Variants in CWC27 observed in about 807,000 individuals in gnomAD.
CWC27 encodes spliceosome-associated protein CWC27 homolog.
CWC27 carries 47 observed loss-of-function variants against 63.6 expected under a neutral mutation model. The observed-to-expected ratio is 0.74, with a 90% CI of 0.58 to 0.94. The LOEUF (loss-of-function observed/expected upper bound fraction) is 0.94. Among genes scored for constraint, CWC27 ranks in the 40% least tolerant of loss-of-function variants. The probability of loss-of-function intolerance (pLI) is 0.00; values close to 1 mark genes in which losing one functional copy is unlikely to be tolerated. For synonymous variants in CWC27, 175 were observed against 179.8 expected (o/e 0.97, Z 0.22); for missense variants, 495 against 554.3 (o/e 0.89, Z 1.07).
At chr5:64,977,072 G>T in intron 12 of CWC27, 63 bp from the exon 13 acceptor site, 2 of 947,400 alleles carry the variant, frequency 2.1e-6, no homozygotes, top group African/African-American at 1.7e-5. Flanking sequence ...CCAAACTTAA[G>T]CATCTCTTTT....
intron 11 of CWC27, among the ~76,000 whole-genome samples, chr5:64,936,255 T>C (rs1046009454): frequency 2.6e-5 from 4 of 152,244 alleles, no homozygotes; most frequent in African/African-American, 9.6e-5. Flanking sequence ...GTAGCTGTTA[T>C]TATTTTGAGA....
chr5:64,774,604 C>T lies in CWC27; in HGVS notation c.43-87C>T, dbSNP rs528124584. ...AATATTTCTTTTAAAATTGAAAACTCACTAGTGATTGCTACAAGTCAAATA... is the reference window on the plus strand; with the variant it reads ...AATATTTCTTTTAAAATTGAAAACTTACTAGTGATTGCTACAAGTCAAATA... On this transcript the variant is annotated intron_variant, in intron 1 of 13. Coordinates refer to ENST00000381070, the MANE Select transcript of CWC27 (RefSeq NM_005869.4). The T allele has an allele frequency of 3.7e-5, 26 of 700,166 alleles. No individual in the cohort carries two copies. In the East Asian group the frequency reaches 8.3e-4, roughly 22 times the overall value. The allele number at this position is 700,166 out of a possible 1,614,324, so 43.4% of individuals were successfully genotyped here. A position where few individuals can be genotyped will look rare whatever the true frequency, so the allele number is the denominator to read the frequency against.
chr5:64,771,108 A>T (rs943130535), intron 1 of CWC27, among the ~76,000 whole-genome samples: 3 of 152,224 alleles, frequency 2.0e-5, no homozygotes, highest in African/African-American at 7.2e-5. Flanking sequence ...AATAGGCTGA[A>T]TGATAACATA....
At chr5:64,784,239 T>C (rs1743802951) in intron 4 of CWC27, among the ~76,000 whole-genome samples, 1 of 152,186 alleles carries the variant, frequency 6.6e-6, no homozygotes, top group Non-Finnish European at 1.5e-5. Context: ...ATCATAGTAA[T>C]GGTATGAGCT....
At chr5:64,877,159 A>T (rs1435682338) in intron 10 of CWC27, among the ~76,000 whole-genome samples, 1 of 152,070 alleles carries the variant, frequency 6.6e-6, no homozygotes, top group Non-Finnish European at 1.5e-5. Context: ...TGTGGAGTCG[A>T]CCTTAGAGTC....
chr5:64,992,051 A>T (rs1749546201), intron 13 of CWC27, among the ~76,000 whole-genome samples: 1 of 152,168 alleles, frequency 6.6e-6, no homozygotes, highest in Non-Finnish European at 1.5e-5. Context: ...GGGTAGTAGG[A>T]GATGAAGGTG....
intron 12 of CWC27, 106 bp downstream of exon 12, chr5:64,971,918 T>G: frequency 1.8e-6 from 1 of 561,082 alleles, no homozygotes; most frequent in South Asian, 3.6e-5. Flanking sequence ...AAGCACTACC[T>G]CTTAAAAATA....
At chr5:64,986,609 T>G (rs2915443) in intron 13 of CWC27, among the ~76,000 whole-genome samples, 133,239 of 152,156 alleles carry the variant, frequency 0.88, 58,530 homozygotes, top group African/African-American at 0.95. Flanking sequence ...AAAGAACTGG[T>G]ATAATTTCTT....
chr5:64,970,844 T>A (rs1749112255), intron 11 of CWC27, among the ~76,000 whole-genome samples: 1 of 152,118 alleles, frequency 6.6e-6, no homozygotes, highest in South Asian at 2.1e-4. Flanking sequence ...TCAAGCTAGA[T>A]AACAAAGAGA....
intron 7 of CWC27, among the ~76,000 whole-genome samples, chr5:64,792,551 C>T (rs1170874102): frequency 6.6e-6 from 1 of 152,096 alleles, no homozygotes; most frequent in Admixed American, 6.6e-5. Flanking sequence ...TTTTCTTACC[C>T]AACCTTTGCC....
chr5:64,801,564 T>C (rs1744490642), intron 9 of CWC27, among the ~76,000 whole-genome samples: 1 of 152,038 alleles, frequency 6.6e-6, no homozygotes, highest in Non-Finnish European at 1.5e-5. Context: ...TAGAATCTTA[T>C]ATATGAATTT....
intron 13 of CWC27, among the ~76,000 whole-genome samples, chr5:64,992,543 T>C (rs1749555079): frequency 6.6e-6 from 1 of 152,034 alleles, no homozygotes; most frequent in Non-Finnish European, 1.5e-5. Flanking sequence ...CTTTTTTTTT[T>C]TTTCTTGAGA....
At chr5:64,986,458 A>T (rs1241064985) in intron 13 of CWC27, among the ~76,000 whole-genome samples, 1 of 152,174 alleles carries the variant, frequency 6.6e-6, no homozygotes, top group Non-Finnish European at 1.5e-5. Flanking sequence ...AGGATATTTG[A>T]ATCTATGCTC....
chr5:64,827,118 T>G (rs1211128521), intron 10 of CWC27, among the ~76,000 whole-genome samples: 4 of 152,184 alleles, frequency 2.6e-5, no homozygotes, highest in Non-Finnish European at 1.5e-5. Context: ...CCTTAGAAGA[T>G]TCCCCCAATC....
intron 11 of CWC27, among the ~76,000 whole-genome samples, chr5:64,961,276 T>G (rs1748903754): frequency 6.6e-6 from 1 of 152,232 alleles, no homozygotes; most frequent in African/African-American, 2.4e-5. Context: ...GTCACTTACC[T>G]GGTCCTTAGT....
intron 4 of CWC27, 92 bp downstream of exon 4, chr5:64,784,071 G>T: frequency 8.9e-7 from 1 of 1,127,576 alleles, no homozygotes; most frequent in South Asian, 2.1e-5. Context: ...ACTTATCTAA[G>T]AGCTACCTTT....
intron 10 of CWC27, chr5:64,808,256 T>C: frequency 1.0e-6 from 1 of 995,614 alleles, no homozygotes; most frequent in Non-Finnish European, 1.2e-6. Flanking sequence ...GAATATTAAT[T>C]TTTATCCCTA....
At chr5:64,814,505 A>G (rs1744973086) in intron 10 of CWC27, among the ~76,000 whole-genome samples, 1 of 152,154 alleles carries the variant, frequency 6.6e-6, no homozygotes, top group East Asian at 1.9e-4. Flanking sequence ...TCCCTAATAT[A>G]ACTTCCACAG....
intron 11 of CWC27, among the ~76,000 whole-genome samples, chr5:64,926,981 A>G (rs1295349656): frequency 6.6e-6 from 1 of 152,262 alleles, no homozygotes; most frequent in Non-Finnish European, 1.5e-5. Flanking sequence ...TATCATCACT[A>G]GTTTAAAATA....
Sources: allele counts gnomAD v4.1 joint callset (sites outside exome capture counted in the v4.1 genomes callset), GRCh38; gene constraint gnomAD v4.1.1; transcripts MANE v1.5; gene names NCBI Gene and HGNC (gene_info 2026-07-23, HGNC 2026-07-21).